The following DLG2 variants were observed in gnomAD, a reference collection of about 807,000 sequenced individuals.
The protein encoded by DLG2 is disks large homolog 2.
DLG2 carries 45 observed loss-of-function variants against 132.5 expected under a neutral mutation model. The observed-to-expected ratio is 0.34, with a 90% CI of 0.27 to 0.44. DLG2 has a LOEUF of 0.44. Among genes scored for constraint, DLG2 ranks in the 20% least tolerant of loss-of-function variants. DLG2 has a pLI of 1.00. For synonymous variants in DLG2, 424 were observed against 419.6 expected, an observed-to-expected ratio of 1.01 and a Z score of -0.13; for missense variants, 1,045 against 1,196.9, an observed-to-expected ratio of 0.87 and a Z score of 1.87.
At chr11:83,669,872 C>T (rs2076541097) in intron 18 of DLG2, among the ~76,000 whole-genome samples, 1 of 152,216 alleles carries the variant, frequency 6.6e-6, no homozygotes, top group Non-Finnish European at 1.5e-5. Flanking sequence ...TGCAATTATG[C>T]AGTTCCTCGT....
chr11:85,401,786 T>C (rs1387447045), intron 3 of DLG2, among the ~76,000 whole-genome samples: 3 of 152,046 alleles, frequency 2.0e-5, no homozygotes, highest in Non-Finnish European at 4.4e-5. Context: ...TTACAAAGGA[T>C]GTGAAGGACC....
At chr11:84,807,946 G>A (rs181126681) in intron 6 of DLG2, among the ~76,000 whole-genome samples, 5 of 151,998 alleles carry the variant, frequency 3.3e-5, no homozygotes, top group East Asian at 1.9e-4. Flanking sequence ...AAATACCTAC[G>A]CCAAAAATCA....
intron 21 of DLG2, among the ~76,000 whole-genome samples, chr11:83,521,899 A>G (rs2095489395): frequency 6.6e-6 from 1 of 152,048 alleles, no homozygotes; most frequent in African/African-American, 2.4e-5. Context: ...TCCCAGCAAG[A>G]GTCAACCTCT....
At chr11:84,021,969 A>G (rs1325607432) in intron 11 of DLG2, among the ~76,000 whole-genome samples, 2 of 151,366 alleles carry the variant, frequency 1.3e-5, no homozygotes, top group Non-Finnish European at 2.9e-5. Context: ...CTGGTCTTAA[A>G]CTCCCAACCT....
chr11:83,873,116 C>T (rs2063797142), intron 16 of DLG2, among the ~76,000 whole-genome samples: 1 of 152,144 alleles, frequency 6.6e-6, no homozygotes, highest in African/African-American at 2.4e-5. Context: ...TCTTTTCGTA[C>T]CACATTATAG....
chr11:83,988,395 C>A (rs2093481070), intron 11 of DLG2, among the ~76,000 whole-genome samples: 1 of 151,958 alleles, frequency 6.6e-6, no homozygotes, highest in South Asian at 2.1e-4. Context: ...GCTTAGCAGG[C>A]TCTTTTTTGG....
At position 84,584,748 on chromosome 11, in the gene DLG2, G is replaced by A. The variant is rs1015349215; in HGVS notation, c.358-50017C>T. On this transcript the variant is annotated intron_variant, in intron 6 of 27. Transcript: ENST00000376104. ...CTGTCGCCCAGGCTGGAGTGCAGTG[G>A]CGGGATCTGGGCTCACTGCAAGCTC... is the stretch of plus-strand genomic sequence containing the variant. Among the ~76,000 whole-genome samples the A allele has an allele frequency of 8.6e-5, 12 of 139,482 alleles. No individual in the cohort carries two copies. The East Asian group carries it at 2.4e-3, about 28-fold the overall frequency. 91.5% of individuals were successfully genotyped at this position (139,482 alleles called of 152,430 possible).
intron 19 of DLG2, among the ~76,000 whole-genome samples, chr11:83,618,622 C>T (rs1450302228): frequency 6.6e-6 from 1 of 152,134 alleles, no homozygotes; most frequent in Admixed American, 6.5e-5. Flanking sequence ...GATTTAAGGC[C>T]AGGTATTTCT....
At chr11:83,603,404 A>G (rs935882548) in intron 19 of DLG2, among the ~76,000 whole-genome samples, 1 of 152,188 alleles carries the variant, frequency 6.6e-6, no homozygotes, top group Non-Finnish European at 1.5e-5. Context: ...TTGTATAAAT[A>G]TAACTCATAC....
At chr11:83,571,970 G>A (rs968561977) in intron 19 of DLG2, among the ~76,000 whole-genome samples, 2 of 151,934 alleles carry the variant, frequency 1.3e-5, no homozygotes, top group African/African-American at 4.8e-5. Flanking sequence ...AAAGAAGACA[G>A]AACTCTCTGT....
At chr11:83,921,573 T>A (rs2077925172) in intron 15 of DLG2, among the ~76,000 whole-genome samples, 1 of 152,158 alleles carries the variant, frequency 6.6e-6, no homozygotes, top group Admixed American at 6.6e-5. Flanking sequence ...TTAATTAATA[T>A]CTACGCAATG....
At chr11:84,467,990 TC>T (rs1164018261) in intron 7 of DLG2, among the ~76,000 whole-genome samples, 3 of 151,504 alleles carry the variant, frequency 2.0e-5, no homozygotes, top group African/African-American at 7.3e-5. Context: ...CTTTCAACAT[TC>T]CATTCAGTTT....
chr11:85,215,054 G>C (rs1422683214), intron 4 of DLG2, among the ~76,000 whole-genome samples: 1 of 152,116 alleles, frequency 6.6e-6, no homozygotes, highest in East Asian at 1.9e-4. Context: ...ACTAAGTTAA[G>C]AACGTGATTG....
At chr11:84,978,637 T>C (rs955231840) in intron 6 of DLG2, among the ~76,000 whole-genome samples, 8 of 152,168 alleles carry the variant, frequency 5.3e-5, no homozygotes, top group African/African-American at 1.9e-4. Context: ...ACTGGATCCC[T>C]TCCTTACACG....
chr11:83,526,365 C>T (rs1475531386), intron 21 of DLG2, among the ~76,000 whole-genome samples: 1 of 152,178 alleles, frequency 6.6e-6, no homozygotes, highest in Non-Finnish European at 1.5e-5. Context: ...CTCTCTCCTC[C>T]AACCTTTCCT....
intron 4 of DLG2, among the ~76,000 whole-genome samples, chr11:85,249,494 T>G (rs1449242827): frequency 6.6e-6 from 1 of 152,004 alleles, no homozygotes; most frequent in Non-Finnish European, 1.5e-5. Flanking sequence ...CTTGTAGGCT[T>G]AAAATCTAAT....
intron 9 of DLG2, among the ~76,000 whole-genome samples, chr11:84,116,147 T>A (rs2093623463): frequency 6.6e-6 from 1 of 152,328 alleles, no homozygotes. Context: ...GGAGGTAAGA[T>A]GATCCTGGAC....
chr11:84,426,055 C>A (rs1230294478), intron 7 of DLG2, among the ~76,000 whole-genome samples: 1 of 152,018 alleles, frequency 6.6e-6, no homozygotes, highest in Non-Finnish European at 1.5e-5. Flanking sequence ...ATTATCAATA[C>A]CACCACTCAA....
At chr11:83,499,839 T>C (rs10751094) in intron 21 of DLG2, among the ~76,000 whole-genome samples, 36,124 of 110,910 alleles carry the variant, frequency 0.33, 6,575 homozygotes, top group Middle Eastern at 0.44. Context: ...ATATATTTCC[T>C]CCACTAATAG....
Sources: allele counts gnomAD v4.1 joint callset (sites outside exome capture counted in the v4.1 genomes callset), GRCh38; gene constraint gnomAD v4.1.1; transcripts MANE v1.5; gene names NCBI Gene and HGNC (gene_info 2026-07-23, HGNC 2026-07-21).